The following TRUB1 variants were observed in gnomAD, a reference collection of about 807,000 sequenced individuals.
TRUB1 encodes the protein pseudouridylate synthase TRUB1.
TRUB1 carries 23 observed loss-of-function variants against 33.9 expected under a neutral mutation model. That is an observed-to-expected ratio of 0.68 (90% CI 0.49 to 0.96). The LOEUF (loss-of-function observed/expected upper bound fraction) is 0.96. Among genes scored for constraint, TRUB1 ranks in the 40% least tolerant of loss-of-function variants. The probability of loss-of-function intolerance (pLI) is 0.00; values close to 1 mark genes in which losing one functional copy is unlikely to be tolerated. For synonymous variants in TRUB1, 163 were observed against 165.4 expected (o/e 0.99, Z 0.11); for missense variants, 378 against 422.2 (o/e 0.90, Z 0.92).
At chr10:114,963,606 C>T (rs1489958648) in intron 4 of TRUB1, among the ~76,000 whole-genome samples, 1 of 152,214 alleles carries the variant, frequency 6.6e-6, no homozygotes, top group African/African-American at 2.4e-5. Flanking sequence ...TGTCATTACC[C>T]TGTCCTCCTT....
At chr10:114,951,522 G>T (rs2084235201) in intron 3 of TRUB1, among the ~76,000 whole-genome samples, 1 of 152,066 alleles carries the variant, frequency 6.6e-6, no homozygotes, top group African/African-American at 2.4e-5. Flanking sequence ...TGTGCCCTTT[G>T]AGCAAAAATA....
intron 3 of TRUB1, among the ~76,000 whole-genome samples, chr10:114,956,114 C>G (rs1032545180): frequency 2.0e-5 from 3 of 152,164 alleles, no homozygotes; most frequent in African/African-American, 7.2e-5. Flanking sequence ...CTAGAGATGT[C>G]TAGCTAATAC....
chr10:114,952,802 T>C (rs1352244075), intron 3 of TRUB1, among the ~76,000 whole-genome samples: 1 of 152,208 alleles, frequency 6.6e-6, no homozygotes, highest in Non-Finnish European at 1.5e-5. Context: ...TACTGACACA[T>C]AGAGTTTAGA....
intron 2 of TRUB1, among the ~76,000 whole-genome samples, chr10:114,944,000 C>CTTTTTTTTTTTTTT (rs573847481): frequency 2.0e-5 from 2 of 101,542 alleles, no homozygotes; most frequent in Non-Finnish European, 3.9e-5. Flanking sequence ...TTTATTCCAT[C>CTTTTTTTTTTTTTT]TTTTTTTTTT....
intron 5 of TRUB1, 120 bp from the exon 6 acceptor site, chr10:114,972,015 G>T: frequency 1.8e-6 from 2 of 1,088,594 alleles, no homozygotes; most frequent in Non-Finnish European, 2.7e-6. Context: ...TCATTGTGAA[G>T]CACTGCCAGT....
At chr10:114,955,394 G>C (rs566251544) in intron 3 of TRUB1, among the ~76,000 whole-genome samples, 2 of 152,286 alleles carry the variant, frequency 1.3e-5, no homozygotes, top group African/African-American at 4.8e-5. Context: ...ATCAAAGTTG[G>C]TTACTTTATA....
chr10:114,955,753 A>G (rs2084259114), intron 3 of TRUB1, among the ~76,000 whole-genome samples: 1 of 152,166 alleles, frequency 6.6e-6, no homozygotes, highest in Admixed American at 6.5e-5. Context: ...ATTTCTAATC[A>G]GTTTTCTCCA....
intron 3 of TRUB1, among the ~76,000 whole-genome samples, chr10:114,954,908 C>CTT (rs5788089): frequency 6.6e-4 from 97 of 146,684 alleles, no homozygotes; most frequent in Non-Finnish European, 9.6e-4. Flanking sequence ...CAGTTAATTT[C>CTT]TTTTTTTTTT....
At chr10:114,961,155 T>C (rs181122294) in intron 4 of TRUB1, among the ~76,000 whole-genome samples, 2 of 152,232 alleles carry the variant, frequency 1.3e-5, no homozygotes, top group East Asian at 3.9e-4. Context: ...GATAGCAACC[T>C]CATAGTGTGA....
intron 4 of TRUB1, 34 bp from the exon 5 acceptor site, chr10:114,970,334 T>G: frequency 6.9e-7 from 1 of 1,450,202 alleles, no homozygotes; most frequent in Non-Finnish European, 9.6e-7. Context: ...ACTTCTGTGG[T>G]TGTTTTAGTG....
intron 4 of TRUB1, among the ~76,000 whole-genome samples, chr10:114,967,735 C>T (rs2084316445): frequency 6.6e-6 from 1 of 152,000 alleles, no homozygotes; most frequent in Admixed American, 6.6e-5. Context: ...TTTTTAAATA[C>T]TTTGGAAGTA....
Position 114,975,142 on chromosome 10 carries a change from TGTGC to T in TRUB1, c.814_817del (p.Val272Ter). On this transcript the variant is annotated frameshift_variant, in exon 8 of 8. Transcript: ENST00000298746. LOFTEE classifies it high-confidence loss of function. ...CCATAGAACTATCTTCCTGTGCCAA[TGTGC>T]TAGAGCTGACCCGAACCAAACAGGG... is the stretch of plus-strand genomic sequence containing the variant. 1 of 1,610,186 alleles carries T rather than the reference TGTGC, an allele frequency of 6.2e-7. No homozygotes were observed. The highest frequency in any genetic ancestry group is 2.2e-5 in the East Asian group (1 of 44,830).
At chr10:114,963,143 A>G (rs916937379) in intron 4 of TRUB1, among the ~76,000 whole-genome samples, 21 of 152,222 alleles carry the variant, frequency 1.4e-4, no homozygotes, top group Admixed American at 1.1e-3. Flanking sequence ...TGTCCCTCCC[A>G]TGAGTCAACA....
At chr10:114,960,045 A>T in intron 4 of TRUB1, 1 of 422,756 alleles carries the variant, frequency 2.4e-6, no homozygotes, top group Non-Finnish European at 4.2e-6. Flanking sequence ...GTTCAGAATT[A>T]TTCTTCCAAA....
At chr10:114,974,993 A>G in intron 7 of TRUB1, 130 bp from the exon 8 acceptor site, 1 of 1,050,644 alleles carries the variant, frequency 9.5e-7, no homozygotes, top group South Asian at 2.0e-5. Context: ...CTTGGTTCTT[A>G]TATTGGATTA....
At chr10:114,939,690 A>C (rs1328782911) in intron 1 of TRUB1, among the ~76,000 whole-genome samples, 1 of 152,240 alleles carries the variant, frequency 6.6e-6, no homozygotes, top group African/African-American at 2.4e-5. Flanking sequence ...GTTGCCTGAA[A>C]GTATGGGTCA....
intron 2 of TRUB1, among the ~76,000 whole-genome samples, chr10:114,943,097 C>A (rs772695392): frequency 1.1e-4 from 17 of 152,198 alleles, no homozygotes; most frequent in Non-Finnish European, 2.1e-4. Context: ...AGTGTTCCCA[C>A]CCTTCTCTGT....
rs147555998 is a variant in TRUB1, at chr10:114,970,429, A to G, written c.585A>G (p.Gln195=). 7 of 1,610,334 alleles carry G rather than the reference A, an allele frequency of 4.3e-6. No homozygotes were observed. Among genetic ancestry groups the G allele is most frequent in the African/African-American group, 1.3e-5 (1 of 74,958 alleles). ...AGAAATTTACTGGAAATATAATGCA[A>G]GTGCCCCCCCTGTAAGTTCAATTAG... ...ILQKFTGNIM[Q]VPPLYSALKK... The change falls in exon 5 of 8, where the codon CAA becomes CAG. Residue 195 remains glutamine (Q), a synonymous_variant. Coordinates refer to ENST00000298746, the MANE Select transcript of TRUB1 (RefSeq NM_139169.5).
At chr10:114,945,252 G>C (rs986810521) in intron 2 of TRUB1, among the ~76,000 whole-genome samples, 1 of 152,180 alleles carries the variant, frequency 6.6e-6, no homozygotes, top group Non-Finnish European at 1.5e-5. Context: ...GATACCTGGT[G>C]CTCCTGCTTT....
Sources: allele counts gnomAD v4.1 joint callset (sites outside exome capture counted in the v4.1 genomes callset), GRCh38; gene constraint gnomAD v4.1.1; transcripts MANE v1.5; gene names NCBI Gene and HGNC (gene_info 2026-07-23, HGNC 2026-07-21).